MACF1: variants seen among roughly 807,000 people sequenced by gnomAD.
MACF1 encodes the protein microtubule actin crosslinking factor 1.
In MACF1, 193 loss-of-function variants were observed where a neutral mutation model predicts 854.8. That is an observed-to-expected ratio of 0.23 (90% CI 0.20 to 0.25). The LOEUF (loss-of-function observed/expected upper bound fraction) is 0.25, where lower values mean the gene tolerates loss of function less well. Ranked by LOEUF, MACF1 falls within the 10% of genes least tolerant of loss-of-function variation. MACF1 has a pLI of 1.00. For missense variants in MACF1, 7,722 were observed against 8,929.1 expected (o/e 0.86, Z 5.45); for synonymous variants, 3,185 against 3,226.7 (o/e 0.99, Z 0.44).
Position 39,388,355 on chromosome 1 carries a change from C to T in MACF1, c.15513C>T (p.Val5171=). ...GGCTATTCCTTAACAAAATTCACGTCCTCAAATTAGACATAGAGGCCTCTG... is the reference window on the plus strand; with the variant it reads ...GGCTATTCCTTAACAAAATTCACGTTCTCAAATTAGACATAGAGGCCTCTG... ...DVRLFLNKIH[V]LKLDIEASEA... Residue 5171 remains valine (V), a synonymous_variant, in exon 58 of 101, where the codon GTC becomes GTT. Transcript: ENST00000564288. The T allele has an allele frequency of 6.2e-7, 1 of 1,614,118 alleles. No individual in the cohort carries two copies.
chr1:39,442,298 G>A lies in MACF1; in HGVS notation c.18926G>A (p.Gly6309Asp). ...CTCAAACACCTCTGGGAGAACCTGG[G>A]TGAGAAAATTGCCCACCGACAGGTA... ...TELKHLWENL[G>D]EKIAHRQHKL... The change falls in exon 76 of 101, where the codon GGT (glycine) becomes GAT (aspartate). Residue 6309 changes from glycine to aspartate, a missense_variant. By Grantham distance (94) the Gly-to-Asp change is moderately conservative. This residue lies in a region of MACF1 where 2,807 missense variants were observed against 3,235.8 expected (regional missense o/e 0.87). Coordinates refer to ENST00000564288, the MANE Select transcript of MACF1 (RefSeq NM_001394062.1). The A allele has an allele frequency of 1.3e-6, 2 of 1,598,540 alleles. No individual in the cohort carries two copies. Among genetic ancestry groups the A allele is most frequent in the Non-Finnish European group, 8.5e-7 (1 of 1,174,572 alleles).
intron 2 of MACF1, among the ~76,000 whole-genome samples, chr1:39,112,087 C>CTTTTTTTTT (rs569400137): frequency 7.5e-6 from 1 of 133,610 alleles, no homozygotes. Flanking sequence ...TTATTCAAAT[C>CTTTTTTTTT]TTTTTTTTTT....
chr1:39,142,272 C>T (rs1185148044), intron 2 of MACF1, among the ~76,000 whole-genome samples: 3 of 152,148 alleles, frequency 2.0e-5, no homozygotes, highest in African/African-American at 7.2e-5. Flanking sequence ...TCTCCCTGGG[C>T]CCCTTCTTTT....
intron 2 of MACF1, among the ~76,000 whole-genome samples, chr1:39,168,982 AT>A (rs1643910402): frequency 6.6e-6 from 1 of 152,076 alleles, no homozygotes; most frequent in Admixed American, 6.6e-5. Flanking sequence ...CCTAGTCCCC[AT>A]TTTTTGACAG....
chr1:39,437,328 T>A (rs1213889993), intron 70 of MACF1, among the ~76,000 whole-genome samples: 7 of 152,064 alleles, frequency 4.6e-5, no homozygotes, highest in Admixed American at 3.9e-4. Flanking sequence ...TTTTTTTCTT[T>A]TAGACAAAGT....
chr1:39,317,587 A>G (rs962913657), intron 29 of MACF1, among the ~76,000 whole-genome samples, 180 bp downstream of exon 29: 5 of 152,238 alleles, frequency 3.3e-5, no homozygotes, highest in African/African-American at 1.2e-4. Flanking sequence ...GGCAATCTCA[A>G]AGCAGATGTA....
intron 2 of MACF1, among the ~76,000 whole-genome samples, chr1:39,159,405 C>A (rs1042401211): frequency 6.6e-6 from 1 of 152,188 alleles, no homozygotes; most frequent in Non-Finnish European, 1.5e-5. Flanking sequence ...CCAGGTTTTC[C>A]AGTTGCTTGT....
intron 14 of MACF1, among the ~76,000 whole-genome samples, chr1:39,286,036 A>G (rs1029009683): frequency 1.3e-5 from 2 of 152,184 alleles, no homozygotes; most frequent in African/African-American, 4.8e-5. Flanking sequence ...AATCAAAGAC[A>G]GGGTCTCACT....
chr1:39,205,535 G>A (rs1329278500), intron 1 of MACF1, among the ~76,000 whole-genome samples: 6 of 152,148 alleles, frequency 3.9e-5, no homozygotes, highest in Non-Finnish European at 8.8e-5. Context: ...CCTCCTCCAG[G>A]TATAGATTTG....
At chr1:39,268,409 C>T in intron 6 of MACF1, 1 of 1,021,272 alleles carries the variant, frequency 9.8e-7, no homozygotes, top group Non-Finnish European at 1.2e-6. Flanking sequence ...GAGGAAGCTG[C>T]AGCCAATCCG....
chr1:39,406,096 C>T (rs1180005036), intron 58 of MACF1, among the ~76,000 whole-genome samples: 6 of 152,180 alleles, frequency 3.9e-5, no homozygotes, highest in Non-Finnish European at 7.3e-5. Context: ...AAGAGCAAAG[C>T]ACTCAGAAAG....
At position 39,133,534 on chromosome 1, in the gene MACF1, TCTCCTCCTC is replaced by T. The variant is rs559873975; in HGVS notation, c.220+49108_220+49116del. Among the ~76,000 whole-genome samples the T allele has an allele frequency of 4.0e-5, 6 of 151,882 alleles. No individual in the cohort carries two copies. In the East Asian group the frequency reaches 9.6e-4, roughly 24 times the overall value. On this transcript the variant is annotated intron_variant, in intron 2 of 93. Transcript: ENST00000361689. ...CTTCCTCGTCCTCCTCCTCATCCTT[TCTCCTCCTC>T]CTCCTCCTCCTTCTTCCTGTCTGTT...
At position 39,388,638 on chromosome 1, in the gene MACF1, C is replaced by A; in HGVS notation, c.15796C>A (p.Gln5266Lys). Reference protein sequence around the residue: ...VVGTEVEIINQQLADFKMFQK... With the variant: ...VVGTEVEIINKQLADFKMFQK... ...GGGGACCGAAGTGGAAATCATCAACCAACAATTAGCAGATTTTAAAGTAAG... is the reference window on the plus strand; with the variant it reads ...GGGGACCGAAGTGGAAATCATCAACAAACAATTAGCAGATTTTAAAGTAAG... The change falls in exon 58 of 101, where the codon CAA becomes AAA. Residue 5266 changes from glutamine (Q) to lysine (K), a missense_variant. By Grantham distance (53) the Gln-to-Lys change is moderately conservative. Around this residue, in one of 15 missense-constraint regions of MACF1, gnomAD observed 2,807 missense variants for 3,235.8 expected, o/e 0.87. Transcript: ENST00000564288. The A allele has an allele frequency of 6.4e-7, 1 of 1,572,980 alleles. No homozygotes were observed.
At chr1:39,385,033 A>G (rs1650561017) in intron 56 of MACF1, among the ~76,000 whole-genome samples, 2 of 152,288 alleles carry the variant, frequency 1.3e-5, no homozygotes, top group South Asian at 4.1e-4. Context: ...AGTTGGCACT[A>G]TTTGGCACAA....
At chr1:39,147,651 T>G (rs1643498020) in intron 2 of MACF1, among the ~76,000 whole-genome samples, 1 of 152,130 alleles carries the variant, frequency 6.6e-6, no homozygotes, top group Non-Finnish European at 1.5e-5. Flanking sequence ...CTCATGTAGC[T>G]GGGCCTACAG....
At chr1:39,413,824 G>T in intron 58 of MACF1, 1 of 1,611,682 alleles carries the variant, frequency 6.2e-7, no homozygotes, top group Non-Finnish European at 8.5e-7. Flanking sequence ...CTCCTTTGCA[G>T]CTGTGGTGGC....
At position 39,336,093 on chromosome 1, in the gene MACF1, A is replaced by G; in HGVS notation, c.9505A>G (p.Lys3169Glu). Residue 3169 changes from lysine (K) to glutamate (E), a missense_variant, in exon 37 of 101, where the codon AAA (lysine) becomes GAA (glutamate). Coordinates refer to ENST00000564288, the MANE Select transcript of MACF1 (RefSeq NM_001394062.1). ...TCAAATTTCCTCATCTAATGAATGT[A>G]AAGAAAAGTCATACCAAGAAGTATC... ...KHQISSSNEC[K>E]EKSYQEVSFD... 1 of 1,613,912 alleles carries G rather than the reference A, an allele frequency of 6.2e-7. No homozygotes were observed.
At position 39,212,821 on chromosome 1, in the gene MACF1, C is replaced by T. The variant is rs377473823; in HGVS notation, c.109+7690C>T. Among the ~76,000 whole-genome samples the T allele has an allele frequency of 2.3e-4, 35 of 152,246 alleles. No individual in the cohort carries two copies. In the East Asian group the frequency reaches 5.4e-3, roughly 24 times the overall value. On this transcript the variant is annotated intron_variant, in intron 1 of 100. Transcript: ENST00000564288. Reference sequence around the variant, plus strand: ...TATTTTTTTAGTAGAGGTGGGGTTTCGCCATGTTGGCCAGGGTGGTCTCTA... The same window carrying T: ...TATTTTTTTAGTAGAGGTGGGGTTTTGCCATGTTGGCCAGGGTGGTCTCTA...
At chr1:39,156,446 C>G (rs1377679748) in intron 2 of MACF1, among the ~76,000 whole-genome samples, 1 of 152,206 alleles carries the variant, frequency 6.6e-6, no homozygotes, top group Non-Finnish European at 1.5e-5. Flanking sequence ...TGGTGAAACA[C>G]TGTCTCTACA....
Sources: allele counts gnomAD v4.1 joint callset (sites outside exome capture counted in the v4.1 genomes callset), GRCh38; gene constraint gnomAD v4.1.1; regional missense constraint gnomAD v4.1.1; transcripts MANE v1.5; gene names NCBI Gene and HGNC (gene_info 2026-07-23, HGNC 2026-07-21).